Variants in PIEZO2 observed in about 807,000 individuals in gnomAD.
PIEZO2 encodes piezo type mechanosensitive ion channel component 2.
Under a neutral mutation model 337.3 loss-of-function variants are expected in PIEZO2, and 172 were observed. That is an observed-to-expected ratio of 0.51 (90% CI 0.45 to 0.58). The LOEUF is 0.58. Among genes scored for constraint, PIEZO2 ranks in the 20% least tolerant of loss-of-function variants. PIEZO2 has a pLI of 0.00. For synonymous variants in PIEZO2, 1,251 were observed against 1,228.5 expected (o/e 1.02, Z -0.38); for missense variants, 3,028 against 3,391.3 (o/e 0.89, Z 2.66).
chr18:11,074,410 G>C (rs2038457202), intron 1 of PIEZO2, among the ~76,000 whole-genome samples: 1 of 152,164 alleles, frequency 6.6e-6, no homozygotes, highest in Non-Finnish European at 1.5e-5. Flanking sequence ...CTTTAGCATT[G>C]TAGTTTCCAC....
At chr18:10,921,928 A>C (rs1284934072) in intron 3 of PIEZO2, among the ~76,000 whole-genome samples, 1 of 152,166 alleles carries the variant, frequency 6.6e-6, no homozygotes, top group African/African-American at 2.4e-5. Flanking sequence ...GGAAGAGGAA[A>C]TTCTTGCCTA....
At chr18:10,835,217 T>C (rs1285082527) in intron 7 of PIEZO2, among the ~76,000 whole-genome samples, 2 of 152,050 alleles carry the variant, frequency 1.3e-5, no homozygotes, top group Non-Finnish European at 2.9e-5. Context: ...AGTATATTAT[T>C]ATAACAGCCC....
chr18:10,740,593 G>T (rs1030331600), intron 33 of PIEZO2: 1 of 186,354 alleles, frequency 5.4e-6, no homozygotes, highest in Non-Finnish European at 1.1e-5. Context: ...TACAGAGAAA[G>T]GGTCACTGAC....
At chr18:11,024,529 G>A (rs145100977) in intron 2 of PIEZO2, among the ~76,000 whole-genome samples, 7,667 of 132,010 alleles carry the variant, frequency 0.058, 642 homozygotes, top group African/African-American at 0.19. Context: ...CTGGGCGACA[G>A]AGCGAGACTC....
intron 28 of PIEZO2, among the ~76,000 whole-genome samples, chr18:10,752,398 C>T (rs930570268): frequency 3.3e-5 from 5 of 152,164 alleles, no homozygotes; most frequent in African/African-American, 1.2e-4. Flanking sequence ...GAATTTATTC[C>T]TATGAACACA....
intron 36 of PIEZO2, among the ~76,000 whole-genome samples, chr18:10,725,847 G>C (rs7232176): frequency 0.019 from 2,835 of 152,300 alleles, 96 homozygotes; most frequent in African/African-American, 0.065. Context: ...CCTGGGAATG[G>C]ACTTGGCTTG....
intron 50 of PIEZO2, 132 bp from the exon 51 acceptor site, chr18:10,681,885 C>T (rs182984007): frequency 2.2e-5 from 19 of 871,404 alleles, no homozygotes; most frequent in South Asian, 3.4e-5. Flanking sequence ...ACATGGCATC[C>T]GAGATCTCTT....
At chr18:10,762,849 TG>T (rs2038194767) in intron 22 of PIEZO2, 72 bp downstream of exon 22, 2 of 1,467,848 alleles carry the variant, frequency 1.4e-6, no homozygotes, top group Non-Finnish European at 1.8e-6. Flanking sequence ...TGCTTGGGGA[TG>T]GGGGTTCCCC....
intron 2 of PIEZO2, among the ~76,000 whole-genome samples, chr18:11,005,309 A>C (rs1348810948): frequency 1.3e-5 from 2 of 152,234 alleles, no homozygotes; most frequent in African/African-American, 2.4e-5. Flanking sequence ...ACCCTGATAC[A>C]AAGTTCCCAC....
chr18:10,723,930 T>C (rs751629276), intron 36 of PIEZO2, among the ~76,000 whole-genome samples: 20 of 152,102 alleles, frequency 1.3e-4, no homozygotes, highest in Non-Finnish European at 2.4e-4. Flanking sequence ...GACATTCAAA[T>C]TGACTGAGGA....
At chr18:10,774,129 A>G in intron 18 of PIEZO2, 91 bp from the exon 19 acceptor site, 5 of 689,806 alleles carry the variant, frequency 7.2e-6, no homozygotes, top group Non-Finnish European at 1.3e-5. Context: ...CATGCTACAT[A>G]TCATCCACTA....
chr18:11,123,971 T>C (rs1006692869), intron 1 of PIEZO2, among the ~76,000 whole-genome samples: 1 of 152,224 alleles, frequency 6.6e-6, no homozygotes, highest in South Asian at 2.1e-4. Flanking sequence ...TAATGTTAAA[T>C]AGCTTGATTT....
intron 1 of PIEZO2, among the ~76,000 whole-genome samples, chr18:11,088,430 G>A (rs533719374): frequency 6.6e-6 from 1 of 152,348 alleles, no homozygotes; most frequent in African/African-American, 2.4e-5. Flanking sequence ...CCTCTGCAAT[G>A]CAGAAACAAG....
At chr18:10,928,270 C>T (rs972187130) in intron 3 of PIEZO2, among the ~76,000 whole-genome samples, 1 of 152,196 alleles carries the variant, frequency 6.6e-6, no homozygotes. Flanking sequence ...ACACTGTCAT[C>T]TAAGAAAACG....
At position 11,105,864 on chromosome 18, in the gene PIEZO2, C is replaced by T. The variant is rs1231927921; in HGVS notation, c.65-39642G>A. 6.6e-6 allele frequency among the ~76,000 whole-genome samples: 1 copy of T among 152,200 alleles called. No homozygotes were observed. Among genetic ancestry groups the T allele is most frequent in the African/African-American group, 2.4e-5 (1 of 41,458 alleles). On this transcript the variant is annotated intron_variant, in intron 1 of 55. Transcript: ENST00000674853. This position sits in a 1 kb window ranked among gnomAD's most constrained non-coding sequence, Gnocchi z 4.3. The stretch of plus-strand genomic sequence containing the variant: ...GAAAGATCAGTGGCTTAATGGGCCA[C>T]AATTACTCCCAAACAATCTAGTCCT...
At chr18:11,137,151 A>G (rs1420870099) in intron 1 of PIEZO2, among the ~76,000 whole-genome samples, 2 of 152,160 alleles carry the variant, frequency 1.3e-5, no homozygotes, top group Non-Finnish European at 2.9e-5. Flanking sequence ...TCATCGAAAT[A>G]TTAGAAGCTC....
chr18:10,707,650 G>T lies in PIEZO2; in HGVS notation c.5588+625C>A, dbSNP rs2035639776. 1.3e-5 allele frequency among the ~76,000 whole-genome samples: 2 copies of T among 152,128 alleles called. No homozygotes were observed. Among genetic ancestry groups the T allele is most frequent in the Admixed American group, 6.5e-5 (1 of 15,272 alleles). On this transcript the variant is annotated intron_variant, in intron 40 of 55. Transcript: ENST00000674853. The surrounding 1 kb of genome is among the most constrained non-coding windows in gnomAD (Gnocchi z 4.2). ...TATTTCTAAATGAATACTGTTTTAG[G>T]GTAGGATTTGGGAGAACTTAAGCCA...
At chr18:10,780,455 G>T in intron 17 of PIEZO2, 89 bp from the exon 18 acceptor site, 1 of 696,878 alleles carries the variant, frequency 1.4e-6, no homozygotes, top group Non-Finnish European at 2.6e-6. Flanking sequence ...GACGAACAAA[G>T]TGGACTCCCT....
chr18:10,788,987 T>G, intron 15 of PIEZO2, 92 bp downstream of exon 15: 6 of 1,321,744 alleles, frequency 4.5e-6, no homozygotes, highest in South Asian at 1.5e-5. Context: ...TCCATGTTCA[T>G]GAGATTCTAG....
Sources: allele counts gnomAD v4.1 joint callset (sites outside exome capture counted in the v4.1 genomes callset), GRCh38; gene constraint gnomAD v4.1.1; non-coding constraint Gnocchi (gnomAD v3.1); transcripts MANE v1.5; gene names NCBI Gene and HGNC (gene_info 2026-07-23, HGNC 2026-07-21).